NFIB: variants seen among roughly 807,000 people sequenced by gnomAD.
NFIB encodes nuclear factor I B, also known as nuclear factor 1 B-type.
Under a neutral mutation model 61.5 loss-of-function variants are expected in NFIB, and 11 were observed. The ratio of observed to expected loss-of-function variants is 0.18; its 90% confidence interval spans 0.11 to 0.30. The LOEUF is 0.30. Ranked by LOEUF, NFIB falls within the 10% of genes least tolerant of loss-of-function variation. The probability of loss-of-function intolerance (pLI) is 1.00; values close to 1 mark genes in which losing one functional copy is unlikely to be tolerated. For missense variants in NFIB, 471 were observed against 608.9 expected, an observed-to-expected ratio of 0.77 and a Z score of 2.38; for synonymous variants, 260 against 216.5, an observed-to-expected ratio of 1.20 and a Z score of -1.76.
the NFIB span, among the ~76,000 whole-genome samples, chr9:14,409,743 CA>C: frequency 1.3e-5 from 2 of 152,038 alleles, no homozygotes; most frequent in African/African-American, 4.8e-5. Flanking sequence ...AGCAATCACA[CA>C]AAGAAAAGAA....
intron 2 of NFIB, among the ~76,000 whole-genome samples, chr9:14,273,216 C>T (rs1363234321): frequency 6.6e-6 from 1 of 152,090 alleles, no homozygotes; most frequent in Non-Finnish European, 1.5e-5. Flanking sequence ...TCTCTTTCCC[C>T]CTCATCAATC....
At chr9:14,354,130 G>C (rs2061148484) in intron 1 of NFIB, among the ~76,000 whole-genome samples, 1 of 152,140 alleles carries the variant, frequency 6.6e-6, no homozygotes, top group African/African-American at 2.4e-5. Flanking sequence ...TTTTCTCAGA[G>C]CCTTGCAAAT....
chr9:14,350,547 G>A (rs764801087), intron 1 of NFIB, among the ~76,000 whole-genome samples: 6 of 152,064 alleles, frequency 3.9e-5, no homozygotes, highest in Admixed American at 2.0e-4. Context: ...CTAGCTGTTG[G>A]CATGCTCTGA....
the NFIB span, among the ~76,000 whole-genome samples, chr9:14,478,791 A>T: frequency 1.3e-5 from 2 of 152,198 alleles, no homozygotes; most frequent in Non-Finnish European, 2.9e-5. Context: ...TTGCACATGC[A>T]TATTTTCACA....
intron 1 of NFIB, among the ~76,000 whole-genome samples, chr9:14,373,986 C>T (rs1380222859): frequency 6.6e-6 from 1 of 152,144 alleles, no homozygotes; most frequent in Non-Finnish European, 1.5e-5. Flanking sequence ...GTGATGATTC[C>T]CACTGAGTAT....
intron 2 of NFIB, among the ~76,000 whole-genome samples, chr9:14,288,006 G>A (rs1356076665): frequency 6.6e-6 from 1 of 152,068 alleles, no homozygotes. Context: ...TGATAGTCAT[G>A]TAAACTGGAT....
intron 1 of NFIB, among the ~76,000 whole-genome samples, chr9:14,330,935 T>C (rs2060814076): frequency 6.6e-6 from 1 of 151,830 alleles, no homozygotes; most frequent in Non-Finnish European, 1.5e-5. Context: ...TATATAGGAG[T>C]CCAGCCCCTC....
intron 3 of NFIB, among the ~76,000 whole-genome samples, chr9:14,165,149 G>A (rs2044639277): frequency 6.6e-6 from 1 of 152,136 alleles, no homozygotes. Context: ...AACAGCACCA[G>A]GTCCAGGCGA....
Position 14,306,985 on chromosome 9 carries a change from C to T in NFIB, c.562+4G>A. On this transcript the variant is annotated splice_donor_region_variant and intron_variant, in intron 2 of 10. Transcript: ENST00000380953. ...TGCTAGAAAAAAGAACAATCTGCTC[C>T]TACCTTGCTCCTGCACGTAGTATGC... 6.2e-7 allele frequency: 1 copy of T among 1,613,524 alleles called. No individual in the cohort carries two copies. The highest frequency in any genetic ancestry group is 8.5e-7 in the Non-Finnish European group (1 of 1,179,520).
At chr9:14,266,963 G>A (rs2057254305) in intron 2 of NFIB, among the ~76,000 whole-genome samples, 1 of 152,174 alleles carries the variant, frequency 6.6e-6, no homozygotes, top group South Asian at 2.1e-4. Flanking sequence ...CAGACAGGCA[G>A]TAGAAAATTC....
intron 2 of NFIB, among the ~76,000 whole-genome samples, chr9:14,293,350 T>A (rs1049432658): frequency 1.3e-5 from 2 of 152,230 alleles, no homozygotes; most frequent in Non-Finnish European, 2.9e-5. Flanking sequence ...GTACTCTGTA[T>A]ATATGCACGC....
At chr9:14,324,029 C>A (rs920153978) in intron 1 of NFIB, among the ~76,000 whole-genome samples, 2 of 152,172 alleles carry the variant, frequency 1.3e-5, no homozygotes, top group Non-Finnish European at 2.9e-5. Context: ...TTAGCATATA[C>A]AGCTTGGAGA....
intron 2 of NFIB, among the ~76,000 whole-genome samples, chr9:14,198,609 C>A (rs2048695034): frequency 6.6e-6 from 1 of 152,172 alleles, no homozygotes; most frequent in Admixed American, 6.5e-5. Flanking sequence ...ATCAGATTCA[C>A]CTGAGATGCT....
In NFIB at chr9:14,138,365, C is replaced by T. The variant is rs138972588; in HGVS notation, c.925+8324G>A. Among the ~76,000 whole-genome samples, 383 of 151,872 alleles carry T rather than the reference C, an allele frequency of 2.5e-3. 3 individuals carry two copies. The highest frequency in any genetic ancestry group is 8.7e-3 in the African/African-American group (362 of 41,458). Reference sequence around the variant, plus strand: ...AAATAAATAACACAGAAAAAGGAGGCGAATAATCAGTGTAGGCTAAAAAGA... The same window carrying T: ...AAATAAATAACACAGAAAAAGGAGGTGAATAATCAGTGTAGGCTAAAAAGA... On this transcript the variant is annotated intron_variant, in intron 6 of 10. Coordinates refer to ENST00000380953, the MANE Select transcript of NFIB (RefSeq NM_001190737.2).
At chr9:14,202,222 A>C (rs2049118493) in intron 2 of NFIB, among the ~76,000 whole-genome samples, 1 of 152,294 alleles carries the variant, frequency 6.6e-6, no homozygotes, top group East Asian at 1.9e-4. Flanking sequence ...CAACTAAAAC[A>C]TGAGAGACTA....
chr9:14,460,110 A>G, the NFIB span, among the ~76,000 whole-genome samples: 1 of 152,162 alleles, frequency 6.6e-6, no homozygotes, highest in Non-Finnish European at 1.5e-5. Context: ...AAAAACTTGG[A>G]ACCAACCCAA....
Position 14,120,334 on chromosome 9 carries a change from G to A in NFIB, c.1245+106C>T. On this transcript the variant is annotated intron_variant, in intron 8 of 10. Coordinates refer to ENST00000380953, the MANE Select transcript of NFIB (RefSeq NM_001190737.2). The surrounding 1 kb of genome is among the most constrained non-coding windows in gnomAD (Gnocchi z 4.4). ...GCAACTTCCTGAAGATGGATTTCAA[G>A]GCTTGACGTTCTGCCAGACACACTG... The A allele has an allele frequency of 1.0e-5, 13 of 1,239,922 alleles. No homozygotes were observed. Among genetic ancestry groups the A allele is most frequent in the Admixed American group, 1.8e-5 (1 of 55,554 alleles). 76.8% of individuals were successfully genotyped at this position (1,239,922 alleles called of 1,614,324 possible).
chr9:14,204,304 G>A (rs933666998), intron 2 of NFIB: 8 of 708,198 alleles, frequency 1.1e-5, no homozygotes, highest in South Asian at 1.5e-5. Flanking sequence ...CTGCTGTCTT[G>A]AAGAAGCAGG....
chr9:14,443,734 TATC>T, the NFIB span, among the ~76,000 whole-genome samples: 5 of 152,232 alleles, frequency 3.3e-5, no homozygotes, highest in African/African-American at 1.2e-4. Context: ...TGTACAAAGT[TATC>T]ATTCTAAAAT....
Sources: gnomAD v4.1 joint callset for allele counts (sites outside exome capture counted in the v4.1 genomes callset) on GRCh38, gnomAD v4.1.1 for gene constraint, Gnocchi (gnomAD v3.1) non-coding constraint, MANE v1.5 for transcripts, NCBI Gene and HGNC (gene_info 2026-07-23, HGNC 2026-07-21) for gene names.